TGFBR3: variants seen among roughly 807,000 people sequenced by gnomAD.
The protein encoded by TGFBR3 is transforming growth factor beta receptor type 3.
Under a neutral mutation model 87.9 loss-of-function variants are expected in TGFBR3, and 46 were observed. That is an observed-to-expected ratio of 0.52 (90% CI 0.41 to 0.67). TGFBR3 has a LOEUF of 0.67. Among genes scored for constraint, TGFBR3 ranks in the 30% least tolerant of loss-of-function variants. The pLI is 0.00. For synonymous variants in TGFBR3, 381 were observed against 391.6 expected (o/e 0.97, Z 0.32); for missense variants, 866 against 1,041.9 (o/e 0.83, Z 2.32).
At chr1:91,808,858 A>G (rs1407763556) in intron 2 of TGFBR3, among the ~76,000 whole-genome samples, 1 of 152,202 alleles carries the variant, frequency 6.6e-6, no homozygotes, top group Non-Finnish European at 1.5e-5. Context: ...TACAGCATTC[A>G]TTTTGGAGGG....
At chr1:91,726,000 C>T (rs1214743155) in intron 7 of TGFBR3, among the ~76,000 whole-genome samples, 1 of 152,162 alleles carries the variant, frequency 6.6e-6, no homozygotes, top group Non-Finnish European at 1.5e-5. Context: ...TAAAAAAGAA[C>T]ATCATGAAAC....
At chr1:91,817,266 A>C (rs1449170499) in intron 2 of TGFBR3, among the ~76,000 whole-genome samples, 1 of 152,208 alleles carries the variant, frequency 6.6e-6, no homozygotes, top group Non-Finnish European at 1.5e-5. Flanking sequence ...TTCAAACGGC[A>C]TGGAAACTGT....
upstream of TGFBR3, chr1:91,886,305 C>G (rs943926550): frequency 5.2e-6 from 2 of 387,212 alleles, no homozygotes; most frequent in African/African-American, 4.2e-5. Flanking sequence ...CCTCCTCCCG[C>G]CTCCCGCCTC....
At chr1:91,793,797 C>A (rs2100997168) in intron 3 of TGFBR3, among the ~76,000 whole-genome samples, 1 of 113,888 alleles carries the variant, frequency 8.8e-6, no homozygotes, top group Admixed American at 1.0e-4. Context: ...CACAGCAAGA[C>A]TCTGTCTCAA....
At chr1:91,782,847 C>A (rs981821829) in intron 3 of TGFBR3, among the ~76,000 whole-genome samples, 9 of 152,186 alleles carry the variant, frequency 5.9e-5, no homozygotes, top group African/African-American at 2.2e-4. Flanking sequence ...TGAGGCCACA[C>A]CTCACTCTGG....
chr1:91,737,463 G>C (rs1364698216), intron 4 of TGFBR3, among the ~76,000 whole-genome samples: 1 of 152,118 alleles, frequency 6.6e-6, no homozygotes, highest in African/African-American at 2.4e-5. Flanking sequence ...GCCTACCCAA[G>C]GCCAGAGAGT....
chr1:91,779,006 T>C (rs1489735048), intron 3 of TGFBR3, among the ~76,000 whole-genome samples: 3 of 152,038 alleles, frequency 2.0e-5, no homozygotes, highest in African/African-American at 4.8e-5. Context: ...AAAGAGCCCA[T>C]GCCAAGGACA....
chr1:91,860,935 A>C (rs940810168), intron 2 of TGFBR3, among the ~76,000 whole-genome samples: 22 of 57,910 alleles, frequency 3.8e-4, no homozygotes, highest in Non-Finnish European at 6.6e-4. Context: ...CTGTCTCCAC[A>C]AAAAAAAAAA....
chr1:91,786,459 A>G (rs900174933), intron 3 of TGFBR3, among the ~76,000 whole-genome samples: 12 of 152,168 alleles, frequency 7.9e-5, no homozygotes, highest in African/African-American at 2.9e-4. Flanking sequence ...GGGTTTAAAG[A>G]GAATGGGCAG....
chr1:91,762,948 T>A (rs1193005174), intron 3 of TGFBR3, among the ~76,000 whole-genome samples: 1 of 152,164 alleles, frequency 6.6e-6, no homozygotes, highest in Non-Finnish European at 1.5e-5. Context: ...ATCTCTCACT[T>A]GGGAAGAACG....
intron 4 of TGFBR3, among the ~76,000 whole-genome samples, chr1:91,738,098 A>G (rs532813459): frequency 6.6e-6 from 1 of 152,354 alleles, no homozygotes; most frequent in African/African-American, 2.4e-5. Flanking sequence ...AAACTGGAAC[A>G]TCAGCTCTTC....
chr1:91,683,524 T>C lies in TGFBR3; in HGVS notation c.*215A>G, dbSNP rs1402814968. The C allele has an allele frequency of 1.0e-5, 7 of 694,784 alleles. No individual in the cohort carries two copies. Among genetic ancestry groups the C allele is most frequent in the Admixed American group, 2.0e-5 (1 of 49,786 alleles). The allele number at this position is 694,784 out of a possible 1,614,324, so 43.0% of individuals were successfully genotyped here. A position where few individuals can be genotyped will look rare whatever the true frequency, so the allele number is the denominator to read the frequency against. ...TTTAGCTTTCTCACATGAATTCTAGTGTGGTACAGAAGCCCAGGGTCATGT... is the reference window on the plus strand; with the variant it reads ...TTTAGCTTTCTCACATGAATTCTAGCGTGGTACAGAAGCCCAGGGTCATGT... On this transcript the variant is annotated 3_prime_UTR_variant, in exon 17 of 17. Transcript: ENST00000212355.
At chr1:91,684,976 AT>A (rs1671040580) in intron 16 of TGFBR3, among the ~76,000 whole-genome samples, 1 of 152,180 alleles carries the variant, frequency 6.6e-6, no homozygotes, top group Admixed American at 6.5e-5. Flanking sequence ...CAGCTGCTTC[AT>A]TAAAACAAAA....
chr1:91,682,097 T>C lies in TGFBR3; in HGVS notation c.*1642A>G. ...GTGTATATCTATCAGGTAAGTCATATTATTACTCAACGATTTGGTAAAAAT... is the reference window on the plus strand; with the variant it reads ...GTGTATATCTATCAGGTAAGTCATACTATTACTCAACGATTTGGTAAAAAT... On this transcript the variant is annotated 3_prime_UTR_variant, in exon 17 of 17. Coordinates refer to ENST00000212355, the MANE Select transcript of TGFBR3 (RefSeq NM_003243.5). The C allele has an allele frequency of 2.2e-6, 1 of 454,098 alleles. No individual in the cohort carries two copies. Among genetic ancestry groups the C allele is most frequent in the South Asian group, 1.6e-5 (1 of 64,476 alleles). 28.1% of individuals were successfully genotyped at this position (454,098 alleles called of 1,614,324 possible). A position where few individuals can be genotyped will look rare whatever the true frequency, so the allele number is the denominator to read the frequency against.
intron 8 of TGFBR3, among the ~76,000 whole-genome samples, 170 bp from the exon 9 acceptor site, chr1:91,720,400 G>A (rs1006583635): frequency 2.0e-5 from 3 of 152,202 alleles, no homozygotes; most frequent in African/African-American, 7.2e-5. Context: ...TCTAGTCCTG[G>A]TGTTCTCTCT....
intron 2 of TGFBR3, among the ~76,000 whole-genome samples, chr1:91,894,693 C>T (rs1041866320): frequency 1.2e-4 from 19 of 152,236 alleles, no homozygotes; most frequent in African/African-American, 4.1e-4. Context: ...AAGTCACCTC[C>T]GCTGGCTTTT....
At chr1:91,718,787 T>A (rs1672263010) in intron 10 of TGFBR3, among the ~76,000 whole-genome samples, 3 of 152,174 alleles carry the variant, frequency 2.0e-5, no homozygotes, top group Admixed American at 6.5e-5. Context: ...CAATGTATGG[T>A]CTTTCTTAGA....
At chr1:91,761,903 G>A (rs968166110) in intron 3 of TGFBR3, among the ~76,000 whole-genome samples, 2 of 152,170 alleles carry the variant, frequency 1.3e-5, no homozygotes, top group Admixed American at 6.5e-5. Flanking sequence ...TCTAAAGGCC[G>A]AGCTGAGGCA....
At chr1:91,856,677 C>T (rs574512227) in intron 2 of TGFBR3, among the ~76,000 whole-genome samples, 1 of 152,330 alleles carries the variant, frequency 6.6e-6, no homozygotes, top group South Asian at 2.1e-4. Flanking sequence ...TTTAAGGCCA[C>T]TTTGGTTAAG....
Sources: gnomAD v4.1 joint callset for allele counts (sites outside exome capture counted in the v4.1 genomes callset) on GRCh38, gnomAD v4.1.1 for gene constraint, MANE v1.5 for transcripts, NCBI Gene and HGNC (gene_info 2026-07-23, HGNC 2026-07-21) for gene names.